SLC30A7: variants seen among roughly 807,000 people sequenced by gnomAD.
SLC30A7 encodes zinc transporter 7.
A neutral mutation model predicts 46.0 loss-of-function variants in SLC30A7; 35 were observed. The ratio of observed to expected loss-of-function variants is 0.76; its 90% CI spans 0.58 to 1.01. SLC30A7 has a LOEUF of 1.01. Among genes scored for constraint, SLC30A7 ranks in the 50% least tolerant of loss-of-function variants. The pLI, the probability that SLC30A7 is intolerant of heterozygous loss-of-function variation, is 0.00. For synonymous variants in SLC30A7, 147 were observed against 157.8 expected, an observed-to-expected ratio of 0.93 and a Z score of 0.51; for missense variants, 464 against 451.1, an observed-to-expected ratio of 1.03 and a Z score of -0.26.
At chr1:100,956,115 C>T (rs1467021244) in intron 8 of SLC30A7, among the ~76,000 whole-genome samples, 8 of 152,044 alleles carry the variant, frequency 5.3e-5, no homozygotes, top group South Asian at 4.1e-4. Context: ...GATAAAAATG[C>T]ACTATAATTT....
At chr1:100,953,620 TC>T (rs1179746749) in intron 8 of SLC30A7, among the ~76,000 whole-genome samples, 1 of 152,190 alleles carries the variant, frequency 6.6e-6, no homozygotes, top group Non-Finnish European at 1.5e-5. Context: ...GTGGGGCAGT[TC>T]CTCCAGGTCT....
intron 1 of SLC30A7, 64 bp downstream of exon 1, chr1:100,896,406 G>A: frequency 6.4e-7 from 1 of 1,573,334 alleles, no homozygotes. Flanking sequence ...CCAGACCTCA[G>A]GATGGCCCGA....
intron 2 of SLC30A7, among the ~76,000 whole-genome samples, chr1:100,901,177 G>A (rs373412716): frequency 2.6e-5 from 4 of 152,052 alleles, no homozygotes; most frequent in Middle Eastern, 6.8e-3. Context: ...TCCAGCTAAC[G>A]AGTATTCAGG....
At position 100,981,732 on chromosome 1, in the gene SLC30A7, A is replaced by G. The variant is rs1325652998; in HGVS notation, c.*6875A>G. 1 of 152,212 alleles carries G rather than the reference A, an allele frequency of 6.6e-6. No individual in the cohort carries two copies. 9.4% of individuals were successfully genotyped at this position (152,212 alleles called of 1,614,324 possible). A position where few individuals can be genotyped will look rare whatever the true frequency, so the allele number is the denominator to read the frequency against. On this transcript the variant is annotated 3_prime_UTR_variant, in exon 11 of 11. Coordinates refer to ENST00000357650, the MANE Select transcript of SLC30A7 (RefSeq NM_133496.5). ...CATGAACTGTATCAAAATTCTTTCA[A>G]TAAAATTTCTATTTAAAAATCTCTA...
At chr1:100,962,367 CAA>C (rs1269704108) in intron 9 of SLC30A7, among the ~76,000 whole-genome samples, 2 of 152,036 alleles carry the variant, frequency 1.3e-5, no homozygotes, top group African/African-American at 2.4e-5. Flanking sequence ...AGAAATAAAA[CAA>C]AGTGATGTGA....
chr1:100,950,096 G>A (rs1326265776), intron 8 of SLC30A7, among the ~76,000 whole-genome samples: 3 of 152,150 alleles, frequency 2.0e-5, no homozygotes, highest in Non-Finnish European at 2.9e-5. Flanking sequence ...CTTCTGCGTC[G>A]ATCACGCTGG....
chr1:100,943,336 T>C (rs1250590948), intron 8 of SLC30A7, among the ~76,000 whole-genome samples: 4 of 151,986 alleles, frequency 2.6e-5, no homozygotes, highest in Non-Finnish European at 5.9e-5. Context: ...TAACAAAGGA[T>C]ACAGAGGAAG....
intron 8 of SLC30A7, among the ~76,000 whole-genome samples, chr1:100,922,789 C>T (rs1653028494): frequency 6.6e-6 from 1 of 152,066 alleles, no homozygotes; most frequent in South Asian, 2.1e-4. Context: ...TCCTGAGATA[C>T]ATTTTATTAT....
chr1:100,924,901 TC>T (rs1198963670), intron 8 of SLC30A7, among the ~76,000 whole-genome samples: 1 of 152,178 alleles, frequency 6.6e-6, no homozygotes, highest in Non-Finnish European at 1.5e-5. Context: ...CAAATCATCT[TC>T]ACCAAATATT....
chr1:100,940,185 G>A (rs918546066), intron 8 of SLC30A7, among the ~76,000 whole-genome samples: 2 of 152,052 alleles, frequency 1.3e-5, no homozygotes, highest in East Asian at 1.9e-4. Flanking sequence ...AAAAAAGATG[G>A]CTTCCCTAAA....
At chr1:100,937,318 T>C (rs1351589433) in intron 8 of SLC30A7, among the ~76,000 whole-genome samples, 2 of 152,160 alleles carry the variant, frequency 1.3e-5, no homozygotes, top group Non-Finnish European at 2.9e-5. Flanking sequence ...GATCATATGG[T>C]AATTCTGTTT....
intron 8 of SLC30A7, among the ~76,000 whole-genome samples, chr1:100,932,343 A>G (rs1653710321): frequency 6.6e-6 from 1 of 152,094 alleles, no homozygotes; most frequent in East Asian, 1.9e-4. Context: ...TGAACCTGGG[A>G]GGTGGAGGTT....
At chr1:100,989,284 G>T in the SLC30A7 span, among the ~76,000 whole-genome samples, 1 of 152,168 alleles carries the variant, frequency 6.6e-6, no homozygotes, top group Non-Finnish European at 1.5e-5. Context: ...TTTGTAGTCA[G>T]CAAGTTTTCC....
At chr1:100,933,967 T>C (rs1401795632) in intron 8 of SLC30A7, among the ~76,000 whole-genome samples, 23 of 152,238 alleles carry the variant, frequency 1.5e-4, no homozygotes, top group Admixed American at 1.5e-3. Flanking sequence ...AGTTATTGTT[T>C]TCATAAATGG....
chr1:100,932,330 G>A (rs1653709928), intron 8 of SLC30A7, among the ~76,000 whole-genome samples: 1 of 152,026 alleles, frequency 6.6e-6, no homozygotes, highest in East Asian at 1.9e-4. Flanking sequence ...CAGGAGAATC[G>A]CTTGAACCTG....
intron 7 of SLC30A7, among the ~76,000 whole-genome samples, chr1:100,919,147 A>G (rs1409364229): frequency 3.9e-5 from 6 of 152,228 alleles, no homozygotes; most frequent in African/African-American, 1.4e-4. Flanking sequence ...AATAGCTAAT[A>G]CATGTGTAAA....
At chr1:100,936,135 G>A (rs1653951642) in intron 8 of SLC30A7, among the ~76,000 whole-genome samples, 1 of 150,264 alleles carries the variant, frequency 6.7e-6, no homozygotes, top group South Asian at 2.1e-4. Flanking sequence ...GTTTACCATA[G>A]TAGTATTTTC....
In SLC30A7 at chr1:100,896,239, C is replaced by T. The variant is rs200174583; in HGVS notation, c.-24C>T. The T allele has an allele frequency of 3.1e-6, 5 of 1,611,554 alleles. No individual in the cohort carries two copies. The highest frequency in any genetic ancestry group is 2.7e-5 in the African/African-American group (2 of 74,880). On this transcript the variant is annotated 5_prime_UTR_variant, in exon 1 of 11. Transcript: ENST00000357650. The stretch of plus-strand genomic sequence containing the variant: ...GAGCCACTTCTAGAGGGGAGTAGAC[C>T]CGGCCCTTCGCCGGGCAGAGAAGAT...
chr1:100,988,943 A>C, the SLC30A7 span, among the ~76,000 whole-genome samples: 1 of 152,092 alleles, frequency 6.6e-6, no homozygotes, highest in Non-Finnish European at 1.5e-5. Context: ...AAGTAAAATA[A>C]GTCAAATAAT....
Sources: gnomAD v4.1 joint callset for allele counts (sites outside exome capture counted in the v4.1 genomes callset) on GRCh38, gnomAD v4.1.1 for gene constraint, MANE v1.5 for transcripts, NCBI Gene and HGNC (gene_info 2026-07-23, HGNC 2026-07-21) for gene names.